ARMC9: variants seen among roughly 807,000 people sequenced by gnomAD.
The protein encoded by ARMC9 is lisH domain-containing protein ARMC9.
In ARMC9, 94 loss-of-function variants were observed where a neutral mutation model predicts 107.0. That is an observed-to-expected ratio of 0.88 (90% CI 0.74 to 1.04). The LOEUF (loss-of-function observed/expected upper bound fraction) is 1.04, where lower values mean the gene tolerates loss of function less well. ARMC9 is among the 50% of genes least tolerant of loss of function. The pLI is 0.00. For synonymous variants in ARMC9, 380 were observed against 396.9 expected, an observed-to-expected ratio of 0.96 and a Z score of 0.51; for missense variants, 942 against 1,030.1, an observed-to-expected ratio of 0.91 and a Z score of 1.17.
intron 17 of ARMC9, 43 bp from the exon 18 acceptor site, chr2:231,291,310 C>T: frequency 1.3e-6 from 2 of 1,519,704 alleles, no homozygotes; most frequent in Non-Finnish European, 1.8e-6. Flanking sequence ...AGTTTCCCTC[C>T]AGACACTGAA....
At chr2:231,215,148 A>G (rs1352774053) in intron 4 of ARMC9, 147 bp downstream of exon 4, 13 of 797,046 alleles carry the variant, frequency 1.6e-5, no homozygotes, top group Non-Finnish European at 2.4e-5. Flanking sequence ...CTGGTGAGTG[A>G]TTTTCTACTG....
chr2:231,271,309 T>C (rs1036043046), intron 13 of ARMC9, among the ~76,000 whole-genome samples: 15 of 152,378 alleles, frequency 9.8e-5, no homozygotes, highest in Admixed American at 6.5e-4. Flanking sequence ...TTTTATTTTA[T>C]AAAGCTTTCT....
At chr2:231,321,510 G>GT (rs1025820925) in intron 19 of ARMC9, among the ~76,000 whole-genome samples, 10 of 152,054 alleles carry the variant, frequency 6.6e-5, no homozygotes, top group Admixed American at 2.0e-4. Context: ...TTGAATAATA[G>GT]TTTTTTTTGT....
intron 7 of ARMC9, 64 bp from the exon 8 acceptor site, chr2:231,235,160 G>T: frequency 6.7e-7 from 1 of 1,501,320 alleles, no homozygotes; most frequent in South Asian, 1.3e-5. Flanking sequence ...TCTTTGAGAA[G>T]AATACAATTA....
chr2:231,304,910 T>C (rs182193268), intron 19 of ARMC9, among the ~76,000 whole-genome samples: 80 of 152,374 alleles, frequency 5.3e-4, no homozygotes, highest in Non-Finnish European at 9.1e-4. Flanking sequence ...CTCACTTCAT[T>C]AATTTTTGAG....
intron 19 of ARMC9, among the ~76,000 whole-genome samples, chr2:231,312,615 T>G (rs2042419901): frequency 2.6e-5 from 4 of 151,282 alleles, no homozygotes; most frequent in Non-Finnish European, 4.4e-5. Context: ...TTTTTTTTTT[T>G]GCAAAATCTA....
At chr2:231,270,658 G>A (rs2039243481) in intron 12 of ARMC9, 1 of 519,656 alleles carries the variant, frequency 1.9e-6, no homozygotes. Flanking sequence ...AATTAGTCAT[G>A]TGTCTTGGAT....
rs2046211117 is a variant in ARMC9 at position 231,376,817 on chromosome 2, T to A, written c.*5282T>A. On this transcript the variant is annotated 3_prime_UTR_variant, in exon 25 of 25. Coordinates refer to ENST00000611582, the MANE Select transcript of ARMC9 (RefSeq NM_001352754.2). ...CATCACGGATCCTACCAACGTGTGA[T>A]GTCTCCCCCGGACACCCAGCTTTAC... Among the ~76,000 whole-genome samples the A allele has an allele frequency of 6.6e-6, 1 of 152,186 alleles. No individual in the cohort carries two copies. The highest frequency in any genetic ancestry group is 1.5e-5 in the Non-Finnish European group (1 of 68,036).
rs188948797 is a variant in ARMC9 at position 231,212,863 on chromosome 2, G to A, written c.178-1968G>A. Among the ~76,000 whole-genome samples the A allele has an allele frequency of 2.8e-4, 42 of 152,342 alleles. 2 individuals are homozygous for A. Among genetic ancestry groups the A allele is most frequent in the Admixed American group, 2.2e-3 (34 of 15,302 alleles). On this transcript the variant is annotated intron_variant, in intron 3 of 24. Coordinates refer to ENST00000611582, the MANE Select transcript of ARMC9 (RefSeq NM_001352754.2). Reference sequence around the variant, plus strand: ...AAGAGCCAGCCTTGAGGAGGTAGATGCTCATTGTAGGGCTTATTTGAAAAA... The same window carrying A: ...AAGAGCCAGCCTTGAGGAGGTAGATACTCATTGTAGGGCTTATTTGAAAAA...
intron 19 of ARMC9, among the ~76,000 whole-genome samples, chr2:231,315,728 TATTC>T (rs2042633675): frequency 1.8e-5 from 2 of 114,140 alleles, no homozygotes; most frequent in Non-Finnish European, 1.7e-5. Context: ...TTTTGTTTAA[TATTC>T]ATATTAATGT....
Position 231,360,764 on chromosome 2 carries a change from C to G in ARMC9, c.2142C>G (p.Ile714Met), listed in dbSNP as rs183333975. Residue 714 changes from isoleucine (I) to methionine (M), a missense_variant, in exon 23 of 25, where the codon ATC becomes ATG. Ile to Met is a conservative substitution (Grantham distance 10). Transcript: ENST00000611582. The surrounding 1 kb of genome is among the most constrained non-coding windows in gnomAD (Gnocchi z 4.7). ...ESCVSSSSAI[I>M]AKPGEWLPRG... ...TCTCCTCCTCCCCAGCAGCCATCAT[C>G]GCCAAGCCAGGAGAGTGGCTCCCAA... 1 of 1,536,170 alleles carries G rather than the reference C, an allele frequency of 6.5e-7. No individual in the cohort carries two copies. Among genetic ancestry groups the G allele is most frequent in the Non-Finnish European group, 8.7e-7 (1 of 1,146,916 alleles).
intron 17 of ARMC9, among the ~76,000 whole-genome samples, chr2:231,283,539 C>T (rs1489937950): frequency 1.3e-5 from 2 of 152,160 alleles, no homozygotes; most frequent in South Asian, 2.1e-4. Flanking sequence ...AGGCGATTCT[C>T]CTGTCTCAGC....
chr2:231,270,753 C>T (rs1178656745), intron 12 of ARMC9: 10 of 656,470 alleles, frequency 1.5e-5, no homozygotes, highest in East Asian at 3.1e-5. Context: ...CTGAGGGCTT[C>T]GTGTAATTAA....
Position 231,360,878 on chromosome 2 carries a change from C to A in ARMC9, c.2256C>A (p.Thr752=), listed in dbSNP as rs1260944960. The A allele has an allele frequency of 6.5e-7, 1 of 1,531,052 alleles. No individual in the cohort carries two copies. The highest frequency in any genetic ancestry group is 2.4e-5 in the East Asian group (1 of 40,894). 94.8% of individuals were successfully genotyped at this position (1,531,052 alleles called of 1,614,324 possible). A position where few individuals can be genotyped will look rare whatever the true frequency, so the allele number is the denominator to read the frequency against. ...CCCAGGACCCAGGCAATGGAGTGAC[C>A]ACCAGGTAAGGGGGATATCACAAGG... The part of the protein sequence containing the change: ...EAPQDPGNGV[T]TRECASAFTC... The change falls in exon 23 of 25, where the codon ACC becomes ACA. Residue 752 remains threonine, a synonymous_variant. Coordinates refer to ENST00000611582, the MANE Select transcript of ARMC9 (RefSeq NM_001352754.2). The surrounding 1 kb of genome is among the most constrained non-coding windows in gnomAD (Gnocchi z 4.7).
intron 23 of ARMC9, among the ~76,000 whole-genome samples, chr2:231,367,275 A>T (rs2045856689): frequency 6.6e-6 from 1 of 152,102 alleles, no homozygotes; most frequent in Admixed American, 6.5e-5. Flanking sequence ...GACGTTACGG[A>T]TTCCTGGGCC....
chr2:231,299,190 AT>A (rs1183409790), intron 19 of ARMC9, among the ~76,000 whole-genome samples: 1 of 152,240 alleles, frequency 6.6e-6, no homozygotes, highest in African/African-American at 2.4e-5. Context: ...TTTAAAAAAA[AT>A]AAAGGTAGAG....
chr2:231,246,981 G>A (rs1257648220), intron 9 of ARMC9, among the ~76,000 whole-genome samples: 1 of 148,854 alleles, frequency 6.7e-6, no homozygotes, highest in Admixed American at 6.7e-5. Context: ...TTTTAAGACC[G>A]AGTCTCGCTC....
Position 231,248,762 on chromosome 2 carries a change from A to T in ARMC9, c.880-7824A>T, listed in dbSNP as rs182315006. Among the ~76,000 whole-genome samples, 3 of 142,144 alleles carry T rather than the reference A, an allele frequency of 2.1e-5. No individual in the cohort carries two copies. In the East Asian group the frequency reaches 6.5e-4, roughly 31 times the overall value. 93.3% of individuals were successfully genotyped at this position (142,144 alleles called of 152,430 possible). ...GCGGAGGTTGCAGTTAGCCGAGATC[A>T]TGCTGCTGCATTCCAGCCTGGGCAA... On this transcript the variant is annotated intron_variant, in intron 9 of 24. Transcript: ENST00000611582.
At chr2:231,306,920 A>G (rs1035512813) in intron 19 of ARMC9, among the ~76,000 whole-genome samples, 1 of 152,246 alleles carries the variant, frequency 6.6e-6, no homozygotes, top group African/African-American at 2.4e-5. Context: ...CTTCTTGACC[A>G]GAGCCACAGG....
Sources: allele counts gnomAD v4.1 joint callset (sites outside exome capture counted in the v4.1 genomes callset), GRCh38; gene constraint gnomAD v4.1.1; non-coding constraint Gnocchi (gnomAD v3.1); transcripts MANE v1.5; gene names NCBI Gene and HGNC (gene_info 2026-07-23, HGNC 2026-07-21).